PLCZ1: variants seen among roughly 807,000 people sequenced by gnomAD.
PLCZ1 encodes phospholipase C zeta 1.
In PLCZ1, 64 loss-of-function variants were observed where a neutral mutation model predicts 76.8. The observed-to-expected ratio is 0.83, with a 90% CI of 0.68 to 1.03. The LOEUF is 1.03. Ranked by LOEUF, PLCZ1 falls within the 50% of genes least tolerant of loss-of-function variation. The pLI is 0.00. For missense variants in PLCZ1, 751 were observed against 713.7 expected (o/e 1.05, Z -0.60); for synonymous variants, 248 against 230.8 (o/e 1.07, Z -0.68).
the PLCZ1 span, chr12:18,647,986 C>T: frequency 6.3e-6 from 10 of 1,593,830 alleles, no homozygotes; most frequent in Non-Finnish European, 8.6e-6. Context: ...GTGTCCCACT[C>T]GATAAAGAAA....
At chr12:18,713,099 C>T in intron 5 of PLCZ1, 113 bp from the exon 6 acceptor site, 3 of 1,358,344 alleles carry the variant, frequency 2.2e-6, no homozygotes, top group Middle Eastern at 2.0e-4. Flanking sequence ...ATAAATGAGT[C>T]CATAAAACTC....
At chr12:18,711,529 T>TAAAATAATA (rs1555189034) in intron 6 of PLCZ1, among the ~76,000 whole-genome samples, 2 of 142,470 alleles carry the variant, frequency 1.4e-5, no homozygotes, top group Non-Finnish European at 3.0e-5. Flanking sequence ...AAACTTAAAG[T>TAAAATAATA]ATAATAATAA....
chr12:18,737,532 A>C, intron 1 of PLCZ1, 23 bp from the exon 2 acceptor site: 1 of 933,950 alleles, frequency 1.1e-6, no homozygotes, highest in African/African-American at 2.3e-5. Context: ...CAGAGAACAC[A>C]CAGTGGTTTT....
At chr12:18,646,641 G>T in the PLCZ1 span, among the ~76,000 whole-genome samples, 2 of 152,046 alleles carry the variant, frequency 1.3e-5, no homozygotes, top group Non-Finnish European at 2.9e-5. Flanking sequence ...CTTCTTTTTG[G>T]CATATATTGA....
chr12:18,668,286 C>T, the PLCZ1 span, among the ~76,000 whole-genome samples: 6 of 152,318 alleles, frequency 3.9e-5, no homozygotes, highest in South Asian at 2.1e-4. Flanking sequence ...TTTACATGAA[C>T]CTTCCCTACG....
chr12:18,699,656 C>T (rs1222904032), intron 10 of PLCZ1, 138 bp downstream of exon 10: 1 of 917,786 alleles, frequency 1.1e-6, no homozygotes, highest in East Asian at 2.6e-5. Flanking sequence ...AGGTATGTAA[C>T]CCCATTCTAA....
Position 18,726,956 on chromosome 12 carries a change from G to A in PLCZ1, c.136-3414C>T, listed in dbSNP as rs193085221. On this transcript the variant is annotated intron_variant, in intron 3 of 14. Transcript: ENST00000266505. ...AATATATGAGTCAGATACTATACTG[G>A]GTAACAAGGATGCAAAAGTAACATA... Among the ~76,000 whole-genome samples, 4 of 152,078 alleles carry A rather than the reference G, an allele frequency of 2.6e-5. No individual in the cohort carries two copies. The East Asian group carries it at 7.7e-4, about 29-fold the overall frequency.
Position 18,696,322 on chromosome 12 carries a change from C to CTATATATATATATATATATATATATATA in PLCZ1, c.1175-84_1175-57dup, listed in dbSNP as rs71440372. Reference sequence around the variant, plus strand: ...GAATTCAAATAAATTTAAAAAGCCACTATATATATATATATATATATATAT... The same window carrying CTATATATATATATATATATATATATATA: ...GAATTCAAATAAATTTAAAAAGCCACTATATATATATATATATATATATATATATATATATATATATATATATATATAT... On this transcript the variant is annotated intron_variant, in intron 10 of 14. Coordinates refer to ENST00000266505, the MANE Select transcript of PLCZ1 (RefSeq NM_033123.4). The CTATATATATATATATATATATATATATA allele has an allele frequency of 7.6e-4, 203 of 267,706 alleles. 14 individuals are homozygous for CTATATATATATATATATATATATATATA. Among genetic ancestry groups the CTATATATATATATATATATATATATATA allele is most frequent in the African/African-American group, 3.1e-3 (51 of 16,374 alleles). The allele number at this position is 267,706 out of a possible 1,614,324, so 16.6% of individuals were successfully genotyped here.
chr12:18,703,099 A>G (rs1806170836), intron 7 of PLCZ1, among the ~76,000 whole-genome samples: 1 of 152,206 alleles, frequency 6.6e-6, no homozygotes, highest in Admixed American at 6.5e-5. Context: ...ATTCTCTTCC[A>G]AGAAAGCTGA....
chr12:18,671,394 C>T, the PLCZ1 span, among the ~76,000 whole-genome samples: 1 of 151,816 alleles, frequency 6.6e-6, no homozygotes, highest in Non-Finnish European at 1.5e-5. Context: ...GGAGAAAGAA[C>T]ACGAGAGCCT....
intron 3 of PLCZ1, among the ~76,000 whole-genome samples, chr12:18,728,800 A>C (rs1320550871): frequency 6.6e-6 from 1 of 152,154 alleles, no homozygotes; most frequent in African/African-American, 2.4e-5. Flanking sequence ...CTTTTGGTTT[A>C]TCTGCTAAAA....
At chr12:18,683,646 A>G in intron 14 of PLCZ1, 2 of 1,351,246 alleles carry the variant, frequency 1.5e-6, no homozygotes, top group Non-Finnish European at 1.9e-6. Flanking sequence ...TAGAAAAGTA[A>G]GCATATTGAG....
chr12:18,654,963 G>A, the PLCZ1 span, among the ~76,000 whole-genome samples: 2 of 151,892 alleles, frequency 1.3e-5, no homozygotes, highest in Non-Finnish European at 2.9e-5. Flanking sequence ...ATCCCTATGT[G>A]AAATAAAGAA....
downstream of PLCZ1, among the ~76,000 whole-genome samples, chr12:18,680,687 C>A (rs617456): frequency 6.6e-6 from 1 of 151,988 alleles, no homozygotes; most frequent in Admixed American, 6.6e-5. Context: ...CAAAGACAAC[C>A]AGGAACACAC....
intron 3 of PLCZ1, among the ~76,000 whole-genome samples, chr12:18,728,028 CCAAG>C (rs772639916): frequency 5.3e-5 from 8 of 151,954 alleles, no homozygotes; most frequent in Non-Finnish European, 1.0e-4. Context: ...GCCGAGATCA[CCAAG>C]CAAAGAAATA....
At chr12:18,667,503 C>G in the PLCZ1 span, among the ~76,000 whole-genome samples, 1 of 152,122 alleles carries the variant, frequency 6.6e-6, no homozygotes, top group Non-Finnish European at 1.5e-5. Flanking sequence ...AATAACTGCT[C>G]TATAAGCTAG....
At chr12:18,646,365 G>A in the PLCZ1 span, among the ~76,000 whole-genome samples, 20 of 152,186 alleles carry the variant, frequency 1.3e-4, no homozygotes, top group Admixed American at 1.3e-3. Context: ...AATTCTGGAA[G>A]AAGAGGTAGC....
intron 13 of PLCZ1, among the ~76,000 whole-genome samples, chr12:18,686,007 C>T (rs1953091865): frequency 4.6e-5 from 7 of 151,858 alleles, no homozygotes; most frequent in Admixed American, 4.6e-4. Context: ...GAATTATTTC[C>T]ACATTTTATC....
chr12:18,658,483 T>C, the PLCZ1 span, among the ~76,000 whole-genome samples: 2 of 152,134 alleles, frequency 1.3e-5, no homozygotes, highest in Non-Finnish European at 2.9e-5. Context: ...ATAAGATTAA[T>C]GGCTGATTGT....
Sources: gnomAD v4.1 joint callset for allele counts (sites outside exome capture counted in the v4.1 genomes callset) on GRCh38, gnomAD v4.1.1 for gene constraint, MANE v1.5 for transcripts, NCBI Gene and HGNC (gene_info 2026-07-23, HGNC 2026-07-21) for gene names.